ATAD2B: variants seen among roughly 807,000 people sequenced by gnomAD.
The protein encoded by ATAD2B is ATPase family AAA domain-containing protein 2B.
ATAD2B carries 40 observed loss-of-function variants against 167.6 expected under a neutral mutation model. That is an observed-to-expected ratio of 0.24 (90% CI 0.19 to 0.31). The LOEUF (loss-of-function observed/expected upper bound fraction) is 0.31. Among genes scored for constraint, ATAD2B ranks in the 10% least tolerant of loss-of-function variants. The pLI is 1.00. For synonymous variants in ATAD2B, 579 were observed against 596.5 expected (o/e 0.97, Z 0.43); for missense variants, 1,242 against 1,757.2 (o/e 0.71, Z 5.24).
chr2:23,804,141 A>G (rs1393019808), intron 18 of ATAD2B, among the ~76,000 whole-genome samples: 1 of 152,188 alleles, frequency 6.6e-6, no homozygotes, highest in African/African-American at 2.4e-5. Flanking sequence ...GCGCTTTTGT[A>G]CCCACTTATA....
intron 7 of ATAD2B, among the ~76,000 whole-genome samples, chr2:23,876,433 C>A (rs1193432366): frequency 6.6e-6 from 1 of 151,916 alleles, no homozygotes; most frequent in Non-Finnish European, 1.5e-5. Flanking sequence ...TCCTGAGTAG[C>A]TGGGATTACA....
chr2:23,779,937 G>A (rs1049575181), intron 22 of ATAD2B, among the ~76,000 whole-genome samples: 3 of 151,944 alleles, frequency 2.0e-5, no homozygotes, highest in Admixed American at 6.6e-5. Context: ...TTCTACTTTC[G>A]CATATTTTTC....
In ATAD2B at chr2:23,926,787, C is replaced by T. The variant is rs753268960; in HGVS notation, c.-17G>A. 4.6e-6 allele frequency: 7 copies of T among 1,505,948 alleles called. No homozygotes were observed. The allele number at this position is 1,505,948 out of a possible 1,614,324, so 93.3% of individuals were successfully genotyped here. On this transcript the variant is annotated 5_prime_UTR_variant, in exon 1 of 28. Transcript: ENST00000238789. ...GTTCACCATGGTCCAGCCAGGGGGA[C>T]GGAGTCCACGCCGCGCCCGGGAGAG...
At chr2:23,866,467 A>G (rs1309507078) in intron 10 of ATAD2B, among the ~76,000 whole-genome samples, 3 of 152,212 alleles carry the variant, frequency 2.0e-5, no homozygotes, top group East Asian at 1.9e-4. Context: ...AAAGTTTACT[A>G]GATTCATCTG....
intron 2 of ATAD2B, among the ~76,000 whole-genome samples, chr2:23,890,773 T>C (rs1311325028): frequency 1.3e-5 from 2 of 152,156 alleles, no homozygotes; most frequent in Non-Finnish European, 2.9e-5. Context: ...TTCAGAACAA[T>C]GGTAACATCA....
chr2:23,703,185 G>T, the ATAD2B span: 1 of 1,434,296 alleles, frequency 7.0e-7, no homozygotes, highest in South Asian at 1.5e-5. Flanking sequence ...CTCTCCTGCA[G>T]GTACGACACC....
the ATAD2B span, among the ~76,000 whole-genome samples, chr2:23,683,191 A>T: frequency 6.6e-6 from 1 of 152,234 alleles, no homozygotes; most frequent in Non-Finnish European, 1.5e-5. Context: ...GGACAGCAAC[A>T]ACCAATGAGG....
At position 23,753,668 on chromosome 2, in the gene ATAD2B, C is replaced by T. The variant is rs535291723; in HGVS notation, c.4335+511G>A. On this transcript the variant is annotated intron_variant, in intron 27 of 27. Coordinates refer to ENST00000238789, the MANE Select transcript of ATAD2B (RefSeq NM_017552.4). Reference sequence around the variant, plus strand: ...GTATCTCAGCAAAAGGACAGTCGCTCCTTCATATGGCTAATTTATAGGACT... The same window carrying T: ...GTATCTCAGCAAAAGGACAGTCGCTTCTTCATATGGCTAATTTATAGGACT... Among the ~76,000 whole-genome samples the T allele has an allele frequency of 1.9e-3, 296 of 152,212 alleles. 1 individual carries two copies. Among genetic ancestry groups the T allele is most frequent in the Non-Finnish European group, 1.3e-3 (89 of 67,994 alleles).
At chr2:23,872,390 C>A in intron 8 of ATAD2B, 1 of 689,362 alleles carries the variant, frequency 1.5e-6, no homozygotes, top group South Asian at 1.4e-5. Context: ...AGGTTCAGCT[C>A]CATGACAGCC....
rs1465840149 is a variant in ATAD2B, at chr2:23,779,321, G to A, written c.3133+3548C>T. Among the ~76,000 whole-genome samples the A allele has an allele frequency of 5.3e-5, 8 of 151,494 alleles. No homozygotes were observed. In the South Asian group the frequency reaches 6.3e-4, roughly 12 times the overall value. On this transcript the variant is annotated intron_variant, in intron 22 of 27. Transcript: ENST00000238789. ...CTCCTGAGTAGCTGTGACTATAGGC[G>A]CCCACCACCACGCCTCGCTAATTTT...
chr2:23,849,913 G>A (rs757894337), intron 13 of ATAD2B, among the ~76,000 whole-genome samples: 2 of 151,984 alleles, frequency 1.3e-5, no homozygotes, highest in Non-Finnish European at 2.9e-5. Context: ...TACCATAAAT[G>A]GCAGAATGCA....
intron 24 of ATAD2B, among the ~76,000 whole-genome samples, chr2:23,760,312 C>T (rs1403889490): frequency 1.3e-5 from 2 of 152,190 alleles, no homozygotes; most frequent in African/African-American, 4.8e-5. Context: ...TGTATCTTCA[C>T]AGTACCTGGC....
chr2:23,715,603 A>C, the ATAD2B span, among the ~76,000 whole-genome samples: 1 of 152,158 alleles, frequency 6.6e-6, no homozygotes, highest in Non-Finnish European at 1.5e-5. Flanking sequence ...AAAGCATAAA[A>C]ATATTTTTTA....
At chr2:23,689,494 C>T in the ATAD2B span, 2 of 152,512 alleles carry the variant, frequency 1.3e-5, no homozygotes, top group African/African-American at 4.8e-5. Context: ...CTTCACGGCT[C>T]TTAGGGTCAG....
chr2:23,922,660 G>T (rs1199145035), intron 1 of ATAD2B, among the ~76,000 whole-genome samples: 1 of 146,916 alleles, frequency 6.8e-6, no homozygotes, highest in African/African-American at 2.6e-5. Flanking sequence ...TAAGGCTGCA[G>T]TGAACCACTC....
chr2:23,819,854 A>G lies in ATAD2B; in HGVS notation c.2160T>C (p.Ser720=). 6.3e-7 allele frequency: 1 copy of G among 1,584,908 alleles called. No individual in the cohort carries two copies. The highest frequency in any genetic ancestry group is 8.7e-7 in the Non-Finnish European group (1 of 1,155,044). The part of the protein sequence containing the change: ...EDIETLILED[S]EDENALSIFE... ...AAATTGATAAAGCATTTTCATCTTC[A>G]CTATCCTCTAAAATTAAAGTTTCTA... is the stretch of plus-strand genomic sequence containing the variant. Residue 720 remains serine (S), a synonymous_variant, in exon 17 of 28, where the codon AGT becomes AGC. Transcript: ENST00000238789.
chr2:23,833,884 A>G (rs1689468008), intron 14 of ATAD2B, 35 bp downstream of exon 14: 4 of 1,520,252 alleles, frequency 2.6e-6, no homozygotes, highest in African/African-American at 1.4e-5. Context: ...AGAATTACAT[A>G]TAAATGTTAA....
At chr2:23,687,583 C>A in the ATAD2B span, among the ~76,000 whole-genome samples, 1 of 152,230 alleles carries the variant, frequency 6.6e-6, no homozygotes, top group Non-Finnish European at 1.5e-5. Flanking sequence ...GGACACGCTG[C>A]AGACAGGCAA....
intron 2 of ATAD2B, among the ~76,000 whole-genome samples, chr2:23,893,883 T>G (rs991096799): frequency 4.6e-5 from 7 of 151,778 alleles, no homozygotes; most frequent in Non-Finnish European, 1.0e-4. Flanking sequence ...AGGCTGTTCT[T>G]GAACTCCTGG....
Sources: gnomAD v4.1 joint callset for allele counts (sites outside exome capture counted in the v4.1 genomes callset) on GRCh38, gnomAD v4.1.1 for gene constraint, MANE v1.5 for transcripts, NCBI Gene and HGNC (gene_info 2026-07-23, HGNC 2026-07-21) for gene names.